The following HNF1B variants were observed in gnomAD, a reference collection of about 807,000 sequenced individuals.
HNF1B encodes hepatocyte nuclear factor 1-beta.
Under a neutral mutation model 61.7 loss-of-function variants are expected in HNF1B, and 8 were observed. The ratio of observed to expected loss-of-function variants is 0.13; its 90% CI spans 0.08 to 0.23. The LOEUF is 0.23. HNF1B is among the 10% of genes least tolerant of loss of function. The probability of loss-of-function intolerance (pLI) is 1.00; values close to 1 mark genes in which losing one functional copy is unlikely to be tolerated. For missense variants in HNF1B, 562 were observed against 714.5 expected, an observed-to-expected ratio of 0.79 and a Z score of 2.43; for synonymous variants, 314 against 287.7, an observed-to-expected ratio of 1.09 and a Z score of -0.93.
intron 4 of HNF1B, among the ~76,000 whole-genome samples, chr17:37,727,824 G>A (rs957924656): frequency 7.9e-5 from 12 of 152,068 alleles, no homozygotes; most frequent in Non-Finnish European, 1.8e-4. Context: ...GGGAAGCTTC[G>A]TCTCCAAGGT....
chr17:37,744,702 G>T lies in HNF1B; in HGVS notation c.183C>A (p.Val61=). ...CGTGGCCGTTGGTGAGAGTATGGAA[G>T]ACCGGCTTGGTGTCGGGCTCGGCCC... The part of the protein sequence containing the change: ...GSGAEPDTKP[V]FHTLTNGHAK... The change falls in exon 1 of 9, where the codon GTC becomes GTA. Residue 61 remains valine, a synonymous_variant. Coordinates refer to ENST00000617811, the MANE Select transcript of HNF1B (RefSeq NM_000458.4). The T allele has an allele frequency of 6.2e-7, 1 of 1,613,478 alleles. No individual in the cohort carries two copies. Among genetic ancestry groups the T allele is most frequent in the Admixed American group, 1.7e-5 (1 of 60,032 alleles).
intron 1 of HNF1B, among the ~76,000 whole-genome samples, chr17:37,740,161 G>T (rs1013069786): frequency 6.6e-6 from 1 of 152,036 alleles, no homozygotes; most frequent in Admixed American, 6.5e-5. Flanking sequence ...TAGAGATGGG[G>T]TTTCACCATG....
chr17:37,733,649 C>T lies in HNF1B; in HGVS notation c.717G>A (p.Gly239=). 1 of 1,614,132 alleles carries T rather than the reference C, an allele frequency of 6.2e-7. No individual in the cohort carries two copies. The highest frequency in any genetic ancestry group is 8.5e-7 in the Non-Finnish European group (1 of 1,180,028). The stretch of plus-strand genomic sequence containing the variant: ...GGTACAAGATTTGCTGGGACGCGGG[C>T]CCCCATTTGAACCGGTTGCGGCGCA... The part of the protein sequence containing the change: ...KKMRRNRFKW[G]PASQQILYQA... The change falls in exon 3 of 9, where the codon GGG becomes GGA. Residue 239 remains glycine, a synonymous_variant. Coordinates refer to ENST00000617811, the MANE Select transcript of HNF1B (RefSeq NM_000458.4).
At chr17:37,731,548 C>A (rs1308499178) in intron 4 of HNF1B, 47 bp downstream of exon 4, 1 of 1,483,080 alleles carries the variant, frequency 6.7e-7, no homozygotes, top group African/African-American at 1.4e-5. Flanking sequence ...GTGGCAAGAA[C>A]CAGGATGGTT....
Position 37,744,814 on chromosome 17 carries a change from T to A in HNF1B, c.71A>T (p.Glu24Val), listed in dbSNP as rs1023804221. ...CTCCTCCAAGGCCTGAACCAGCACC[T>A]CCTTGGTGACCCCGGAGCTCAGCAG... Reference protein sequence around the residue: ...SALLSSGVTKEVLVQALEELL... With the variant: ...SALLSSGVTKVVLVQALEELL... Residue 24 changes from glutamate to valine, a missense_variant, in exon 1 of 9, where the codon GAG (glutamate) becomes GTG (valine). Transcript: ENST00000617811. The A allele has an allele frequency of 6.2e-7, 1 of 1,612,870 alleles. No individual in the cohort carries two copies. The highest frequency in any genetic ancestry group is 1.1e-5 in the South Asian group (1 of 91,066).
At chr17:37,707,465 G>C (rs2032788333) in intron 5 of HNF1B, among the ~76,000 whole-genome samples, 2 of 152,302 alleles carry the variant, frequency 1.3e-5, no homozygotes, top group South Asian at 4.1e-4. Flanking sequence ...CTAGGGCACT[G>C]CCAAGGGTAT....
At chr17:37,719,057 C>T (rs1022517191) in intron 4 of HNF1B, among the ~76,000 whole-genome samples, 17 of 152,116 alleles carry the variant, frequency 1.1e-4, no homozygotes, top group Non-Finnish European at 2.5e-4. Context: ...CCCACCTCAG[C>T]CCCCAAAAAT....
At chr17:37,693,977 C>T (rs1302122320) in intron 8 of HNF1B, among the ~76,000 whole-genome samples, 2 of 152,176 alleles carry the variant, frequency 1.3e-5, no homozygotes, top group African/African-American at 4.8e-5. Context: ...TTCCTAAGGC[C>T]CTCACCAGAT....
chr17:37,737,536 C>T (rs1336276640), intron 2 of HNF1B, among the ~76,000 whole-genome samples: 3 of 152,102 alleles, frequency 2.0e-5, no homozygotes, highest in East Asian at 3.9e-4. Context: ...GACTTTAAAA[C>T]AAAAATAACA....
chr17:37,711,134 T>G (rs143111180), intron 4 of HNF1B, among the ~76,000 whole-genome samples: 1 of 152,174 alleles, frequency 6.6e-6, no homozygotes, highest in African/African-American at 2.4e-5. Context: ...AGTAGACCCA[T>G]GTGACGAAGA....
rs1340198325 is a variant in HNF1B at position 37,731,628 on chromosome 17, G to T, written c.1012C>A (p.Gln338Lys). 6.2e-7 allele frequency: 1 copy of T among 1,613,840 alleles called. No individual in the cohort carries two copies. Among genetic ancestry groups the T allele is most frequent in the East Asian group, 2.2e-5 (1 of 44,870 alleles). ...TTGTTTGGAGGAGAGGAGCTGGGCTGGTGGTGGGGGGAGCCGTGGGAGAGC... is the reference window on the plus strand; with the variant it reads ...TTGTTTGGAGGAGAGGAGCTGGGCTTGTGGTGGGGGGAGCCGTGGGAGAGC... Reference protein sequence around the residue: ...PLLSHGSPHHQPSSSPPNKLS... With the variant: ...PLLSHGSPHHKPSSSPPNKLS... Residue 338 changes from glutamine to lysine, a missense_variant, in exon 4 of 9, where the codon CAG becomes AAG. Transcript: ENST00000617811.
chr17:37,688,380 AAC>A (rs5820230), intron 8 of HNF1B, among the ~76,000 whole-genome samples: 13,073 of 135,966 alleles, frequency 0.096, 550 homozygotes, highest in South Asian at 0.15. Flanking sequence ...GATCCCCCCA[AAC>A]ACACACACAC....
chr17:37,720,412 G>T, intron 4 of HNF1B, among the ~76,000 whole-genome samples: 1 of 152,138 alleles, frequency 6.6e-6, no homozygotes, highest in East Asian at 1.9e-4. Flanking sequence ...ATTAAATGTC[G>T]ACATTAATTT....
intron 4 of HNF1B, among the ~76,000 whole-genome samples, chr17:37,713,503 CA>C (rs2033003970): frequency 6.6e-6 from 1 of 152,180 alleles, no homozygotes; most frequent in Admixed American, 6.5e-5. Flanking sequence ...TTCTCCCCAA[CA>C]AAACTTTATT....
intron 4 of HNF1B, 147 bp downstream of exon 4, chr17:37,731,448 A>T (rs755023723): frequency 1.4e-6 from 1 of 739,426 alleles, no homozygotes; most frequent in East Asian, 2.7e-5. Flanking sequence ...CATTATTTCC[A>T]GGGGAGTATA....
intron 4 of HNF1B, among the ~76,000 whole-genome samples, chr17:37,719,659 G>T (rs2033242726): frequency 6.6e-6 from 1 of 152,212 alleles, no homozygotes; most frequent in Non-Finnish European, 1.5e-5. Flanking sequence ...CAAGGAGAAT[G>T]GTGATGCTCC....
At chr17:37,703,077 A>G (rs1022907411) in intron 6 of HNF1B, among the ~76,000 whole-genome samples, 3 of 152,140 alleles carry the variant, frequency 2.0e-5, no homozygotes, top group African/African-American at 4.8e-5. Flanking sequence ...GGCTTCCGCA[A>G]TTCTGAGGCA....
chr17:37,737,981 G>A (rs763725587), intron 2 of HNF1B, among the ~76,000 whole-genome samples: 1 of 152,228 alleles, frequency 6.6e-6, no homozygotes, highest in Non-Finnish European at 1.5e-5. Flanking sequence ...TTTCCAGTCT[G>A]CCTTTCCTGC....
chr17:37,740,444 T>C (rs1294402150), intron 1 of HNF1B, among the ~76,000 whole-genome samples: 1 of 152,208 alleles, frequency 6.6e-6, no homozygotes, highest in African/African-American at 2.4e-5. Flanking sequence ...TCCTACATTA[T>C]TTTCCTTTTG....
Sources: allele counts gnomAD v4.1 joint callset (sites outside exome capture counted in the v4.1 genomes callset), GRCh38; gene constraint gnomAD v4.1.1; transcripts MANE v1.5; gene names NCBI Gene and HGNC (gene_info 2026-07-23, HGNC 2026-07-21).